Variants in DNAH7 observed in about 807,000 individuals in gnomAD.
The protein encoded by DNAH7 is axonemal beta dynein heavy chain 7.
Under a neutral mutation model 444.6 loss-of-function variants are expected in DNAH7, and 397 were observed. That is an observed-to-expected ratio of 0.89 (90% CI 0.82 to 0.97). DNAH7 has a LOEUF of 0.97. Ranked by LOEUF, DNAH7 falls within the 50% of genes least tolerant of loss-of-function variation. DNAH7 has a pLI of 0.00. For missense variants in DNAH7, 4,902 were observed against 4,800.8 expected, an observed-to-expected ratio of 1.02 and a Z score of -0.62; for synonymous variants, 1,636 against 1,624.4, an observed-to-expected ratio of 1.01 and a Z score of -0.17.
At chr2:195,824,588 G>T (rs774212591) in intron 48 of DNAH7, 143 bp from the exon 49 acceptor site, 21 of 733,800 alleles carry the variant, frequency 2.9e-5, no homozygotes, top group African/African-American at 1.8e-5. Flanking sequence ...CTTCTGAAAA[G>T]TATAAAGAAA....
intron 1 of DNAH7, 32 bp downstream of exon 1, chr2:196,068,665 G>A (rs969095300): frequency 1.3e-6 from 2 of 1,550,046 alleles, no homozygotes; most frequent in Admixed American, 3.9e-5. Flanking sequence ...CGTCGCGGCG[G>A]CGGCGAGCCT....
At chr2:196,006,636 T>C (rs565570741) in intron 10 of DNAH7, among the ~76,000 whole-genome samples, 61 of 151,210 alleles carry the variant, frequency 4.0e-4, no homozygotes, top group African/African-American at 1.5e-3. Flanking sequence ...TATGATCTTA[T>C]ATATAGAAAG....
At chr2:195,909,406 G>C (rs1453530007) in intron 25 of DNAH7, among the ~76,000 whole-genome samples, 1 of 151,966 alleles carries the variant, frequency 6.6e-6, no homozygotes, top group Non-Finnish European at 1.5e-5. Context: ...GATGTTTATA[G>C]GTTTATAGGC....
At position 196,051,135 on chromosome 2, in the gene DNAH7, A is replaced by G. The variant is rs1181595712; in HGVS notation, c.141+52T>C. 9 of 1,518,724 alleles carry G rather than the reference A, an allele frequency of 5.9e-6. No homozygotes were observed. In the East Asian group the frequency reaches 1.4e-4, roughly 23 times the overall value. 94.1% of individuals were successfully genotyped at this position (1,518,724 alleles called of 1,614,324 possible). On this transcript the variant is annotated intron_variant, in intron 3 of 64. Transcript: ENST00000312428. ...CTTATTTTCAAGTTAGAAAACTAAT[A>G]AACATTTTTTGAAGCACAAAAATTC...
intron 15 of DNAH7, among the ~76,000 whole-genome samples, chr2:195,976,009 G>C (rs533190214): frequency 6.6e-6 from 1 of 152,308 alleles, no homozygotes; most frequent in Non-Finnish European, 1.5e-5. Flanking sequence ...GCTACCAAGA[G>C]AGACTCCTTC....
At chr2:196,066,235 A>G (rs1344409774) in intron 1 of DNAH7, among the ~76,000 whole-genome samples, 3 of 152,140 alleles carry the variant, frequency 2.0e-5, no homozygotes, top group Non-Finnish European at 4.4e-5. Context: ...ATCAACAATA[A>G]CCTCTCAAAA....
rs1363351311 is a variant in DNAH7 at position 195,907,068 on chromosome 2, T to C, written c.4105-59A>G. On this transcript the variant is annotated intron_variant, in intron 25 of 64. Coordinates refer to ENST00000312428, the MANE Select transcript of DNAH7 (RefSeq NM_018897.3). Reference sequence around the variant, plus strand: ...TATCTGATTCAATGTTGCAATGAAATGTTGTATTTTCACCTGATCTTTTCA... The same window carrying C: ...TATCTGATTCAATGTTGCAATGAAACGTTGTATTTTCACCTGATCTTTTCA... 2.3e-6 allele frequency: 3 copies of C among 1,323,998 alleles called. No homozygotes were observed. The Admixed American group carries it at 5.9e-5, about 26-fold the overall frequency. The allele number at this position is 1,323,998 out of a possible 1,614,324, so 82.0% of individuals were successfully genotyped here. A position where few individuals can be genotyped will look rare whatever the true frequency, so the allele number is the denominator to read the frequency against.
chr2:195,897,340 G>T (rs1176572670), intron 29 of DNAH7, among the ~76,000 whole-genome samples: 2 of 152,092 alleles, frequency 1.3e-5, no homozygotes, highest in Admixed American at 6.5e-5. Flanking sequence ...TCTATACTGT[G>T]CTAGGGATTC....
chr2:195,983,707 T>C (rs1424003430), intron 15 of DNAH7, among the ~76,000 whole-genome samples: 3 of 152,220 alleles, frequency 2.0e-5, no homozygotes, highest in Non-Finnish European at 4.4e-5. Context: ...TGAGAAATGA[T>C]GAAAGTGAGA....
intron 5 of DNAH7, among the ~76,000 whole-genome samples, chr2:196,029,521 G>C (rs915249733): frequency 5.3e-5 from 8 of 151,838 alleles, no homozygotes; most frequent in African/African-American, 1.7e-4. Context: ...TCCTCACCGA[G>C]AGCAATAATA....
intron 43 of DNAH7, 68 bp downstream of exon 43, chr2:195,858,406 C>T (rs1312592264): frequency 2.3e-6 from 3 of 1,312,034 alleles, no homozygotes; most frequent in Admixed American, 2.7e-5. Flanking sequence ...TAGACTAGAA[C>T]ACAATGCTAA....
rs562766415 is a variant in DNAH7 at position 195,960,218 on chromosome 2, T to C, written c.2891+42A>G. The C allele has an allele frequency of 3.7e-5, 54 of 1,478,954 alleles. No homozygotes were observed. The South Asian group carries it at 5.3e-4, about 15-fold the overall frequency. The allele number at this position is 1,478,954 out of a possible 1,614,324, so 91.6% of individuals were successfully genotyped here. A position where few individuals can be genotyped will look rare whatever the true frequency, so the allele number is the denominator to read the frequency against. Reference sequence around the variant, plus strand: ...ACTTTACATTAAACACAAGTGATTTTGGTAACATAGCATAAACATTGCCAT... The same window carrying C: ...ACTTTACATTAAACACAAGTGATTTCGGTAACATAGCATAAACATTGCCAT... On this transcript the variant is annotated intron_variant, in intron 18 of 64. Transcript: ENST00000312428.
At chr2:195,962,566 T>A (rs1691183856) in intron 17 of DNAH7, among the ~76,000 whole-genome samples, 1 of 152,190 alleles carries the variant, frequency 6.6e-6, no homozygotes, top group South Asian at 2.1e-4. Flanking sequence ...CTCAGGCTGG[T>A]CTCAAATTCC....
At chr2:195,797,639 C>T (rs908969573) in intron 55 of DNAH7, among the ~76,000 whole-genome samples, 2 of 152,204 alleles carry the variant, frequency 1.3e-5, no homozygotes, top group Admixed American at 6.5e-5. Flanking sequence ...CACTCTACTC[C>T]TACCCACCAT....
chr2:196,049,367 T>C (rs970640887), intron 3 of DNAH7, among the ~76,000 whole-genome samples: 1 of 152,174 alleles, frequency 6.6e-6, no homozygotes, highest in Non-Finnish European at 1.5e-5. Flanking sequence ...TCTTGCTCCA[T>C]AAAAGTTTTA....
At chr2:196,050,852 G>A (rs993246005) in intron 3 of DNAH7, among the ~76,000 whole-genome samples, 1 of 152,166 alleles carries the variant, frequency 6.6e-6, no homozygotes, top group African/African-American at 2.4e-5. Context: ...TGAGGCTCAA[G>A]AGGTAAGTGA....
At chr2:196,009,095 C>T (rs1694565590) in intron 10 of DNAH7, among the ~76,000 whole-genome samples, 3 of 152,148 alleles carry the variant, frequency 2.0e-5, no homozygotes, top group African/African-American at 7.2e-5. Context: ...CAAGAACTCA[C>T]TTATTATCAT....
intron 47 of DNAH7, among the ~76,000 whole-genome samples, chr2:195,843,285 T>C (rs139930491): frequency 1.3e-5 from 2 of 152,312 alleles, no homozygotes; most frequent in African/African-American, 4.8e-5. Flanking sequence ...GCTAAAATCT[T>C]TATTTTAGCA....
intron 5 of DNAH7, among the ~76,000 whole-genome samples, chr2:196,031,857 T>C (rs1696077839): frequency 6.6e-6 from 1 of 152,184 alleles, no homozygotes; most frequent in Admixed American, 6.5e-5. Context: ...CTTTCCCACA[T>C]TTTCCTATCT....
Sources: allele counts gnomAD v4.1 joint callset (sites outside exome capture counted in the v4.1 genomes callset), GRCh38; gene constraint gnomAD v4.1.1; transcripts MANE v1.5; gene names NCBI Gene and HGNC (gene_info 2026-07-23, HGNC 2026-07-21).